DYRK1A: variants seen among roughly 807,000 people sequenced by gnomAD.
DYRK1A encodes dual specificity tyrosine phosphorylation regulated kinase 1A.
In DYRK1A, 9 loss-of-function variants were observed where a neutral mutation model predicts 79.7. That is an observed-to-expected ratio of 0.11 (90% CI 0.07 to 0.20). The LOEUF (loss-of-function observed/expected upper bound fraction) is 0.20. DYRK1A is among the 10% of genes least tolerant of loss of function. The probability of loss-of-function intolerance (pLI) is 1.00; values close to 1 mark genes in which losing one functional copy is unlikely to be tolerated. For synonymous variants in DYRK1A, 349 were observed against 329.7 expected (o/e 1.06, Z -0.63); for missense variants, 622 against 956.0 (o/e 0.65, Z 4.61).
chr21:37,413,786 AT>A lies in DYRK1A; in HGVS notation c.-76-6509del, dbSNP rs533405090. Among the ~76,000 whole-genome samples, 19 of 152,252 alleles carry A rather than the reference AT, an allele frequency of 1.2e-4. No homozygotes were observed. In the South Asian group the frequency reaches 3.7e-3, roughly 30 times the overall value. ...TTTGAATAATAGAAATTTTGAGTAC[AT>A]TTTGTGTAGGTGACATAAAAGAACA... On this transcript the variant is annotated intron_variant, in intron 1 of 11. Coordinates refer to ENST00000647188, the MANE Select transcript of DYRK1A (RefSeq NM_001347721.2).
intron 1 of DYRK1A, among the ~76,000 whole-genome samples, chr21:37,413,353 C>G (rs1602434709): frequency 6.6e-6 from 1 of 152,100 alleles, no homozygotes; most frequent in East Asian, 1.9e-4. Flanking sequence ...ATATAACCAA[C>G]TAAGTATATG....
intron 2 of DYRK1A, among the ~76,000 whole-genome samples, chr21:37,440,467 A>G (rs564979187): frequency 2.2e-4 from 33 of 152,218 alleles, no homozygotes; most frequent in African/African-American, 7.0e-4. Context: ...GTATTAAGGT[A>G]AAAAGCAGAA....
In DYRK1A at chr21:37,516,558, C is replaced by T. The variant is rs1054960555; in HGVS notation, c.*4027C>T. On this transcript the variant is annotated 3_prime_UTR_variant, in exon 12 of 12. Transcript: ENST00000647188. ...ACTAACCTTAATCCAAATGAATCCA[C>T]TGAGAACCAGCCTGTGGATGCCTAC... The T allele has an allele frequency of 6.6e-6, 1 of 152,234 alleles. No individual in the cohort carries two copies. The highest frequency in any genetic ancestry group is 1.5e-5 in the Non-Finnish European group (1 of 68,046). 9.4% of individuals were successfully genotyped at this position (152,234 alleles called of 1,614,324 possible).
intron 1 of DYRK1A, among the ~76,000 whole-genome samples, chr21:37,407,200 T>C (rs1036929827): frequency 3.3e-5 from 5 of 152,188 alleles, no homozygotes; most frequent in African/African-American, 1.2e-4. Context: ...TGTAGTGAGA[T>C]ATGTTGGGGA....
intron 1 of DYRK1A, among the ~76,000 whole-genome samples, chr21:37,416,270 C>T (rs2050335987): frequency 1.3e-5 from 2 of 148,680 alleles, no homozygotes; most frequent in South Asian, 4.3e-4. Context: ...GTTTTACTAA[C>T]CATTTTGGTG....
chr21:37,488,213 CTT>C lies in DYRK1A; in HGVS notation c.637+1601_637+1602del, dbSNP rs1569373044. On this transcript the variant is annotated intron_variant, in intron 6 of 11. Coordinates refer to ENST00000647188, the MANE Select transcript of DYRK1A (RefSeq NM_001347721.2). ...AATTGTATTAGTTATTACAGATACT[CTT>C]TGGATGAGTTTTTAAATTCTTATTT... The C allele has an allele frequency of 3.5e-5, 11 of 310,560 alleles. No individual in the cohort carries two copies. In the South Asian group the frequency reaches 1.3e-3, roughly 36 times the overall value. 19.2% of individuals were successfully genotyped at this position (310,560 alleles called of 1,614,324 possible).
At chr21:37,385,430 C>T (rs938215729) in intron 1 of DYRK1A, among the ~76,000 whole-genome samples, 1 of 152,184 alleles carries the variant, frequency 6.6e-6, no homozygotes, top group Non-Finnish European at 1.5e-5. Context: ...AATCAGCAAA[C>T]ATTTGCCATC....
At chr21:37,496,803 C>T (rs2053283885) in intron 9 of DYRK1A, among the ~76,000 whole-genome samples, 1 of 152,140 alleles carries the variant, frequency 6.6e-6, no homozygotes, top group Non-Finnish European at 1.5e-5. Flanking sequence ...AATTTCACAT[C>T]TCCAAAATCT....
rs2053944625 is a variant in DYRK1A, at chr21:37,522,948, G to GACC, written c.*10419_*10420insCAC. On this transcript the variant is annotated 3_prime_UTR_variant, in exon 12 of 12. Coordinates refer to ENST00000647188, the MANE Select transcript of DYRK1A (RefSeq NM_001347721.2). ...CCAGGGTGCTGGGACACTGCTGGGT[G>GACC]ACGCTCCACAGTGTGTGCTTCCCCA... 6.6e-6 allele frequency: 1 copy of GACC among 152,484 alleles called. No homozygotes were observed. The highest frequency in any genetic ancestry group is 2.4e-5 in the African/African-American group (1 of 41,582). 9.4% of individuals were successfully genotyped at this position (152,484 alleles called of 1,614,324 possible).
chr21:37,504,947 T>C (rs1487335137), intron 9 of DYRK1A: 2 of 219,474 alleles, frequency 9.1e-6, no homozygotes, highest in Admixed American at 1.1e-4. Flanking sequence ...CTGTTGCATA[T>C]TTTTTGTTTT....
intron 11 of DYRK1A, among the ~76,000 whole-genome samples, chr21:37,510,582 A>G (rs1020540332): frequency 6.6e-6 from 1 of 152,126 alleles, no homozygotes; most frequent in African/African-American, 2.4e-5. Flanking sequence ...AATAGGCCAA[A>G]CTCTGATATA....
Position 37,389,925 on chromosome 21 carries a change from G to T in DYRK1A, c.-77+22297G>T, listed in dbSNP as rs990271568. ...TATTTACTTATGTATTTTGTTTTTT[G>T]TTTTTTTTTTTTTTTAGAGACAGGG... On this transcript the variant is annotated intron_variant, in intron 1 of 11. Coordinates refer to ENST00000647188, the MANE Select transcript of DYRK1A (RefSeq NM_001347721.2). 8.8e-3 allele frequency among the ~76,000 whole-genome samples: 1,189 copies of T among 135,090 alleles called. 9 individuals carry two copies. Among genetic ancestry groups the T allele is most frequent in the African/African-American group, 0.011 (393 of 36,372 alleles). 88.6% of individuals were successfully genotyped at this position (135,090 alleles called of 152,430 possible).
At chr21:37,476,120 A>C (rs2052384724) in intron 3 of DYRK1A, among the ~76,000 whole-genome samples, 1 of 152,178 alleles carries the variant, frequency 6.6e-6, no homozygotes, top group African/African-American at 2.4e-5. Flanking sequence ...GGACATCTTC[A>C]GCTACAATAT....
Position 37,524,415 on chromosome 21 carries a change from A to AAATCGG in DYRK1A, c.*11887_*11888insCGGAAT. ...CACAGAATTTATTCACAAAAATAAA[A>AAATCGG]AATGAAAATGAAGCTACAACCAAAG... is the stretch of plus-strand genomic sequence containing the variant. On this transcript the variant is annotated 3_prime_UTR_variant, in exon 12 of 12. Transcript: ENST00000647188. The AAATCGG allele has an allele frequency of 6.6e-6, 1 of 152,256 alleles. No homozygotes were observed. The highest frequency in any genetic ancestry group is 1.9e-4 in the East Asian group (1 of 5,204). 9.4% of individuals were successfully genotyped at this position (152,256 alleles called of 1,614,324 possible). A position where few individuals can be genotyped will look rare whatever the true frequency, so the allele number is the denominator to read the frequency against.
chr21:37,447,782 C>T (rs1377962310), intron 2 of DYRK1A, among the ~76,000 whole-genome samples: 3 of 152,036 alleles, frequency 2.0e-5, no homozygotes, highest in Non-Finnish European at 4.4e-5. Flanking sequence ...TAGTTTCTAG[C>T]CTCTAGGTGT....
At chr21:37,461,081 A>G (rs1478239223) in intron 2 of DYRK1A, among the ~76,000 whole-genome samples, 1 of 152,184 alleles carries the variant, frequency 6.6e-6, no homozygotes, top group East Asian at 1.9e-4. Context: ...AGGGTTAAGT[A>G]AGATTTTCTG....
chr21:37,432,798 G>T (rs1226940450), intron 2 of DYRK1A, among the ~76,000 whole-genome samples: 2 of 151,770 alleles, frequency 1.3e-5, no homozygotes, highest in Non-Finnish European at 2.9e-5. Flanking sequence ...TCTTATAGGG[G>T]AGAAAATGTA....
At chr21:37,462,825 G>A (rs2051887850) in intron 2 of DYRK1A, among the ~76,000 whole-genome samples, 1 of 152,150 alleles carries the variant, frequency 6.6e-6, no homozygotes, top group Admixed American at 6.6e-5. Flanking sequence ...CACCAAGAGT[G>A]ATTTCTTTTT....
intron 1 of DYRK1A, among the ~76,000 whole-genome samples, chr21:37,378,272 C>A (rs2049588225): frequency 6.6e-6 from 1 of 152,192 alleles, no homozygotes; most frequent in South Asian, 2.1e-4. Context: ...GTTTCTCACA[C>A]CTGTAATCCC....
Sources: allele counts gnomAD v4.1 joint callset (sites outside exome capture counted in the v4.1 genomes callset), GRCh38; gene constraint gnomAD v4.1.1; transcripts MANE v1.5; gene names NCBI Gene and HGNC (gene_info 2026-07-23, HGNC 2026-07-21).